The following LPIN3 variants were observed in gnomAD, a reference collection of about 807,000 sequenced individuals.
The protein encoded by LPIN3 is phosphatidate phosphatase LPIN3.
LPIN3 carries 82 observed loss-of-function variants against 94.7 expected under a neutral mutation model. The ratio of observed to expected loss-of-function variants is 0.87; its 90% CI spans 0.72 to 1.04. The LOEUF (loss-of-function observed/expected upper bound fraction) is 1.04, where lower values mean the gene tolerates loss of function less well. LPIN3 is among the 50% of genes least tolerant of loss of function. LPIN3 has a pLI of 0.00. For missense variants in LPIN3, 996 were observed against 1,090.5 expected (o/e 0.91, Z 1.22); for synonymous variants, 418 against 443.3 (o/e 0.94, Z 0.72).
Position 41,352,706 on chromosome 20 carries a change from C to A in LPIN3, c.1457+7C>A. 1.2e-6 allele frequency: 2 copies of A among 1,613,808 alleles called. No individual in the cohort carries two copies. The highest frequency in any genetic ancestry group is 1.7e-6 in the Non-Finnish European group (2 of 1,179,668). Reference sequence around the variant, plus strand: ...TGGTGAAAATCAATGGAAAGTAAGTCCCAGAGCTGGGGCTGCTGGCAGCCG... The same window carrying A: ...TGGTGAAAATCAATGGAAAGTAAGTACCAGAGCTGGGGCTGCTGGCAGCCG... On this transcript the variant is annotated splice_region_variant and intron_variant, in intron 10 of 19. Coordinates refer to ENST00000373257, the MANE Select transcript of LPIN3 (RefSeq NM_022896.3).
At position 41,352,603 on chromosome 20, in the gene LPIN3, C is replaced by T. The variant is rs1223448014; in HGVS notation, c.1364-3C>T. 6 of 1,613,704 alleles carry T rather than the reference C, an allele frequency of 3.7e-6. 1 individual carries two copies. The African/African-American group carries it at 6.7e-5, about 18-fold the overall frequency. ...TCACCCCTCACTCTGCCTCTGTGCC[C>T]AGAGAAATTCAACCAGCACAGCGTC... On this transcript the variant is annotated splice_polypyrimidine_tract_variant and splice_region_variant and intron_variant, in intron 9 of 19. Coordinates refer to ENST00000373257, the MANE Select transcript of LPIN3 (RefSeq NM_022896.3).
Position 41,357,906 on chromosome 20 carries a change from C to T in LPIN3, c.2064C>T (p.Cys688=), listed in dbSNP as rs989600454. The T allele has an allele frequency of 6.2e-7, 1 of 1,614,034 alleles. No individual in the cohort carries two copies. Among genetic ancestry groups the T allele is most frequent in the Non-Finnish European group, 8.5e-7 (1 of 1,180,020 alleles). The change falls in exon 17 of 20, where the codon TGC becomes TGT. Residue 688 remains cysteine, a synonymous_variant. Transcript: ENST00000373257. ...GAAATGGGTACAAGTTCCTGTACTG[C>T]TCGGCGCGGGCCATTGGCATGGCGG... The part of the protein sequence containing the change: ...IQLNGYKFLY[C]SARAIGMADL...
chr20:41,352,691 C>G lies in LPIN3; in HGVS notation c.1449C>G (p.Ile483Met). The change falls in exon 10 of 20, where the codon ATC (isoleucine) becomes ATG (methionine). Residue 483 changes from isoleucine (I) to methionine (M), a missense_variant. Transcript: ENST00000373257. ...ATGACCCAAACCTAGTGGTGAAAATCAATGGAAAGTAAGTCCCAGAGCTGG... is the reference window on the plus strand; with the variant it reads ...ATGACCCAAACCTAGTGGTGAAAATGAATGGAAAGTAAGTCCCAGAGCTGG... Reference protein sequence around the residue: ...LLDDPNLVVKINGKHYNWAVA... With the variant: ...LLDDPNLVVKMNGKHYNWAVA... The G allele has an allele frequency of 6.2e-7, 1 of 1,614,070 alleles. No individual in the cohort carries two copies. Among genetic ancestry groups the G allele is most frequent in the Non-Finnish European group, 8.5e-7 (1 of 1,179,928 alleles).
chr20:41,356,697 G>A (rs1330362769), intron 14 of LPIN3, among the ~76,000 whole-genome samples: 1 of 152,198 alleles, frequency 6.6e-6, no homozygotes, highest in East Asian at 1.9e-4. Context: ...CTATGGAGGG[G>A]GGTGTTTTCC....
At position 41,358,560 on chromosome 20, in the gene LPIN3, C is replaced by A; in HGVS notation, c.2411+18C>A. On this transcript the variant is annotated intron_variant, in intron 19 of 19. Coordinates refer to ENST00000373257, the MANE Select transcript of LPIN3 (RefSeq NM_022896.3). ...AAATCCACGTGAGGCTAAACCCTGC[C>A]ATGTTCCCCATGCCCTACCACGTCC... 1 of 1,612,756 alleles carries A rather than the reference C, an allele frequency of 6.2e-7. No individual in the cohort carries two copies. The highest frequency in any genetic ancestry group is 1.1e-5 in the South Asian group (1 of 90,966).
At chr20:41,356,893 T>C (rs573210860) in intron 14 of LPIN3, 147 bp from the exon 15 acceptor site, 1 of 966,366 alleles carries the variant, frequency 1.0e-6, no homozygotes, top group East Asian at 2.6e-5. Context: ...TGCATGGCTA[T>C]CTCTGATGAA....
intron 13 of LPIN3, 50 bp downstream of exon 13, chr20:41,354,913 G>C (rs966066017): frequency 2.6e-6 from 4 of 1,536,210 alleles, no homozygotes; most frequent in Non-Finnish European, 3.5e-6. Flanking sequence ...TGGGAAAGAT[G>C]GCCCTGGGTG....
At chr20:41,341,839 T>C (rs1369541576) in intron 1 of LPIN3, among the ~76,000 whole-genome samples, 1 of 151,986 alleles carries the variant, frequency 6.6e-6, no homozygotes, top group Non-Finnish European at 1.5e-5. Context: ...TAGCCGGGTG[T>C]GGTGGCACAC....
rs779964023 is a variant in LPIN3, at chr20:41,357,356, T to A, written c.1953-5T>A. 1 of 1,613,700 alleles carries A rather than the reference T, an allele frequency of 6.2e-7. No homozygotes were observed. Among genetic ancestry groups the A allele is most frequent in the Non-Finnish European group, 8.5e-7 (1 of 1,179,760 alleles). On this transcript the variant is annotated splice_region_variant and splice_polypyrimidine_tract_variant and intron_variant, in intron 15 of 19. Coordinates refer to ENST00000373257, the MANE Select transcript of LPIN3 (RefSeq NM_022896.3). Reference sequence around the variant, plus strand: ...CTTGGAGTAACCCTTCCTCTCTCACTCTAGGTCAGATGCTCTGGGCCATAT... The same window carrying A: ...CTTGGAGTAACCCTTCCTCTCTCACACTAGGTCAGATGCTCTGGGCCATAT...
intron 11 of LPIN3, 48 bp from the exon 12 acceptor site, chr20:41,354,597 G>A: frequency 6.6e-7 from 1 of 1,509,550 alleles, no homozygotes; most frequent in Non-Finnish European, 8.9e-7. Context: ...TAAGGTAGGA[G>A]GTTTATGTGG....
At position 41,355,974 on chromosome 20, in the gene LPIN3, C is replaced by A. The variant is rs2046193749; in HGVS notation, c.1743C>A (p.Pro581=). 1 of 1,613,882 alleles carries A rather than the reference C, an allele frequency of 6.2e-7. No individual in the cohort carries two copies. Among genetic ancestry groups the A allele is most frequent in the South Asian group, 1.1e-5 (1 of 91,070 alleles). The change falls in exon 14 of 20, where the codon CCC becomes CCA. Residue 581 remains proline, a synonymous_variant. Transcript: ENST00000373257. ...PVILEIPSLP[P]STPPSTPTYK... is the part of the protein sequence containing the mutation. ...TCCTGGAGATCCCCTCCTTGCCACC[C>A]TCCACTCCACCCTCCACTCCTACCT...
At chr20:41,349,274 G>T in intron 5 of LPIN3, 102 bp downstream of exon 5, 1 of 945,600 alleles carries the variant, frequency 1.1e-6, no homozygotes, top group South Asian at 1.7e-5. Flanking sequence ...CATTTAATGT[G>T]TTTACTAGCC....
At position 41,350,070 on chromosome 20, in the gene LPIN3, C is replaced by T. The variant is rs151029601; in HGVS notation, c.775C>T (p.Arg259Trp). The change falls in exon 7 of 20, where the codon CGG becomes TGG. Residue 259 changes from arginine to tryptophan, a missense_variant. Arg to Trp is a moderately radical substitution (Grantham distance 101). Coordinates refer to ENST00000373257, the MANE Select transcript of LPIN3 (RefSeq NM_022896.3). ...TCCACTAAAGGTGGCCAGAGCTGAG[C>T]GGCCCGAGTCCTCAGTGGTCCTTGA... ...GRLPKVARAERPESSVVLEGR... is the reference protein window; with the variant it reads ...GRLPKVARAEWPESSVVLEGR... The T allele has an allele frequency of 2.4e-4, 380 of 1,599,438 alleles. No individual in the cohort carries two copies. The African/African-American group carries it at 3.9e-3, about 17-fold the overall frequency.
chr20:41,350,489 C>A, intron 7 of LPIN3, 92 bp downstream of exon 7: 1 of 1,006,566 alleles, frequency 9.9e-7, no homozygotes, highest in Non-Finnish European at 1.4e-6. Flanking sequence ...TGAGCACCTG[C>A]TGTGTGCTAG....
At chr20:41,343,946 C>T (rs1462923331) in intron 1 of LPIN3, among the ~76,000 whole-genome samples, 3 of 152,038 alleles carry the variant, frequency 2.0e-5, no homozygotes, top group Non-Finnish European at 4.4e-5. Context: ...CCTGTAGTCC[C>T]AGCTACTCAG....
intron 9 of LPIN3, 98 bp downstream of exon 9, chr20:41,352,318 G>C: frequency 2.1e-6 from 3 of 1,402,550 alleles, no homozygotes; most frequent in Non-Finnish European, 3.0e-6. Context: ...GTAGAGGTGA[G>C]AGGCTGGGCT....
intron 1 of LPIN3, among the ~76,000 whole-genome samples, chr20:41,345,581 C>T (rs548644625): frequency 1.3e-5 from 2 of 152,372 alleles, no homozygotes; most frequent in South Asian, 2.1e-4. Context: ...AAGGAGGCGG[C>T]TGCCCAAGGG....
intron 13 of LPIN3, among the ~76,000 whole-genome samples, chr20:41,355,397 C>A (rs182534332): frequency 9.2e-5 from 14 of 152,318 alleles, no homozygotes; most frequent in Non-Finnish European, 1.9e-4. Flanking sequence ...TGGCCAACAA[C>A]CAGGAAATGG....
intron 11 of LPIN3, among the ~76,000 whole-genome samples, chr20:41,354,077 T>G (rs1001963959): frequency 3.9e-4 from 59 of 152,238 alleles, no homozygotes; most frequent in African/African-American, 1.4e-3. Context: ...CAGATGGGAC[T>G]TGGCCTGGCC....
Sources: gnomAD v4.1 joint callset for allele counts (sites outside exome capture counted in the v4.1 genomes callset) on GRCh38, gnomAD v4.1.1 for gene constraint, MANE v1.5 for transcripts, NCBI Gene and HGNC (gene_info 2026-07-23, HGNC 2026-07-21) for gene names.